The following CC2D2A variants were observed in gnomAD, a reference collection of about 807,000 sequenced individuals.
The protein encoded by CC2D2A is coiled-coil and C2 domain-containing protein 2A.
Under a neutral mutation model 212.9 loss-of-function variants are expected in CC2D2A, and 155 were observed. The ratio of observed to expected loss-of-function variants is 0.73; its 90% CI spans 0.64 to 0.83. CC2D2A has a LOEUF of 0.83. Among genes scored for constraint, CC2D2A ranks in the 40% least tolerant of loss-of-function variants. The pLI, the probability that CC2D2A is intolerant of heterozygous loss-of-function variation, is 0.00. For synonymous variants in CC2D2A, 667 were observed against 686.5 expected (o/e 0.97, Z 0.44); for missense variants, 1,856 against 1,956.2 (o/e 0.95, Z 0.97).
At chr4:15,518,215 C>T (rs1716994606) in intron 11 of CC2D2A, among the ~76,000 whole-genome samples, 2 of 152,226 alleles carry the variant, frequency 1.3e-5, no homozygotes, top group African/African-American at 4.8e-5. Context: ...AACATCCCAT[C>T]TGAGACAAAG....
chr4:15,557,361 CAGG>C lies in CC2D2A; in HGVS notation c.2686_2688del (p.Glu896del), dbSNP rs1560181474. On this transcript the variant is annotated inframe_deletion, in exon 21 of 37. Coordinates refer to ENST00000424120, the MANE Select transcript of CC2D2A (RefSeq NM_001378615.1). ...TTTCTTTAGACTGGAGCAGCTGCAA[CAGG>C]AGTTTAACTTTGTTTCAGATCAAGA... 1 of 1,613,624 alleles carries C rather than the reference CAGG, an allele frequency of 6.2e-7. No homozygotes were observed. The highest frequency in any genetic ancestry group is 1.3e-5 in the African/African-American group (1 of 74,998).
At position 15,601,349 on chromosome 4, in the gene CC2D2A, C is replaced by G. The variant is rs749398663; in HGVS notation, c.4787C>G (p.Ala1596Gly). ...GTTCCTAATGTTGAATTTGCTTTAG[C>G]TGTATACATACACCCATACCCCAAA... ...IDVPNVEFAL[A>G]VYIHPYPKNV... Residue 1596 changes from alanine to glycine, a missense_variant, in exon 37 of 37, where the codon GCT becomes GGT. Ala to Gly is a moderately conservative substitution (Grantham distance 60, BLOSUM62 0). Coordinates refer to ENST00000424120, the MANE Select transcript of CC2D2A (RefSeq NM_001378615.1). 3.3e-5 allele frequency: 53 copies of G among 1,608,800 alleles called. No homozygotes were observed. Among genetic ancestry groups the G allele is most frequent in the Non-Finnish European group, 4.4e-5 (52 of 1,176,994 alleles).
chr4:15,510,037 C>G, intron 6 of CC2D2A, 102 bp from the exon 7 acceptor site: 2 of 829,574 alleles, frequency 2.4e-6, no homozygotes, highest in Non-Finnish European at 3.9e-6. Context: ...CAGCAGCAGT[C>G]AGAAGATAAG....
chr4:15,505,374 C>T (rs1204482471), intron 6 of CC2D2A, among the ~76,000 whole-genome samples: 1 of 152,184 alleles, frequency 6.6e-6, no homozygotes, highest in Non-Finnish European at 1.5e-5. Context: ...CTAGATATGA[C>T]CAAAACTTCT....
chr4:15,501,079 C>A (rs1011107309), intron 4 of CC2D2A, among the ~76,000 whole-genome samples: 5 of 152,180 alleles, frequency 3.3e-5, no homozygotes, highest in African/African-American at 1.2e-4. Context: ...CAGATTCCCT[C>A]ACTTTTTCCT....
chr4:15,557,502 T>G lies in CC2D2A; in HGVS notation c.2824T>G (p.Phe942Val). Residue 942 changes from phenylalanine (F) to valine (V), a missense_variant, in exon 21 of 37, where the codon TTC becomes GTC. Physicochemically the swap from Phe to Val is conservative, Grantham distance 50. Coordinates refer to ENST00000424120, the MANE Select transcript of CC2D2A (RefSeq NM_001378615.1). ...TGACCGAGAAATTATGGAAAAGGTATTCCAGGTAAGAAACTGCCATAGAGG... is the reference window on the plus strand; with the variant it reads ...TGACCGAGAAATTATGGAAAAGGTAGTCCAGGTAAGAAACTGCCATAGAGG... ...VYDREIMEKV[F>V]QDYEKRLRDR... 1 of 1,598,858 alleles carries G rather than the reference T, an allele frequency of 6.3e-7. No homozygotes were observed. Among genetic ancestry groups the G allele is most frequent in the South Asian group, 1.1e-5 (1 of 89,166 alleles).
chr4:15,479,307 G>A (rs1010100177), intron 3 of CC2D2A: 19 of 1,536,942 alleles, frequency 1.2e-5, no homozygotes, highest in Admixed American at 3.9e-5. Flanking sequence ...GGAGCATCCC[G>A]TGCAGGGTAA....
intron 8 of CC2D2A, among the ~76,000 whole-genome samples, chr4:15,513,648 T>C (rs1190544795): frequency 6.6e-6 from 1 of 152,252 alleles, no homozygotes; most frequent in Non-Finnish European, 1.5e-5. Context: ...TTAGATCCTC[T>C]GTAGCCCCTT....
chr4:15,487,284 T>A (rs1006328393), intron 4 of CC2D2A, among the ~76,000 whole-genome samples: 4 of 152,154 alleles, frequency 2.6e-5, no homozygotes, highest in Non-Finnish European at 4.4e-5. Context: ...TATTGGGATT[T>A]AGCTCTAATA....
intron 28 of CC2D2A, among the ~76,000 whole-genome samples, chr4:15,572,398 T>C (rs1720210911): frequency 6.6e-6 from 1 of 152,210 alleles, no homozygotes; most frequent in African/African-American, 2.4e-5. Context: ...TTTTTGTTTC[T>C]ATGTTTCAGT....
At chr4:15,528,125 A>G (rs1277018335) in intron 12 of CC2D2A, among the ~76,000 whole-genome samples, 1 of 152,234 alleles carries the variant, frequency 6.6e-6, no homozygotes, top group Non-Finnish European at 1.5e-5. Flanking sequence ...ACACTATCCC[A>G]TGGGATTTTT....
chr4:15,519,371 G>A (rs1218024137), intron 11 of CC2D2A: 1 of 416,004 alleles, frequency 2.4e-6, no homozygotes, highest in Non-Finnish European at 4.7e-6. Flanking sequence ...TTTGGTCAAA[G>A]CCATTCAACA....
Position 15,528,646 on chromosome 4 carries a change from G to C in CC2D2A, c.1386G>C (p.Gln462His), listed in dbSNP as rs767353133. Residue 462 changes from glutamine to histidine, a missense_variant, in exon 13 of 37, where the codon CAG (glutamine) becomes CAC (histidine). Gln to His is a conservative substitution (Grantham distance 24). This residue lies in a region of CC2D2A where 1,512 missense variants were observed against 1,579.3 expected (regional missense o/e 0.96). Coordinates refer to ENST00000424120, the MANE Select transcript of CC2D2A (RefSeq NM_001378615.1). The part of the protein sequence containing the change: ...DKLQALRNAV[Q>H]TGLDPEKPHQ... ...TCCAAGCTTTAAGAAATGCTGTTCA[G>C]ACTGGCCTTGATCCAGAAAAACCTC... 3.1e-6 allele frequency: 5 copies of C among 1,613,772 alleles called. No individual in the cohort carries two copies.
chr4:15,534,281 ACT>A (rs1182879654), intron 14 of CC2D2A, among the ~76,000 whole-genome samples: 2 of 151,350 alleles, frequency 1.3e-5, no homozygotes, highest in Non-Finnish European at 2.9e-5. Flanking sequence ...TTGTCTTTTT[ACT>A]CTCTTTTTGT....
Position 15,502,474 on chromosome 4 carries a change from T to G in CC2D2A, c.293T>G (p.Phe98Cys), listed in dbSNP as rs762588216. 2 of 1,609,618 alleles carry G rather than the reference T, an allele frequency of 1.2e-6. No individual in the cohort carries two copies. Among genetic ancestry groups the G allele is most frequent in the Non-Finnish European group, 1.7e-6 (2 of 1,178,794 alleles). Residue 98 changes from phenylalanine to cysteine, a missense_variant, in exon 5 of 37, where the codon TTT becomes TGT. Phe to Cys is a radical substitution (Grantham distance 205). Coordinates refer to ENST00000424120, the MANE Select transcript of CC2D2A (RefSeq NM_001378615.1). ...PSTSRTGFAEFSMRGRMREKL... is the reference protein window; with the variant it reads ...PSTSRTGFAECSMRGRMREKL... ...ACTTCCAGAACAGGCTTTGCAGAAT[T>G]TTCCATGAGGGGACGCATGAGGGAG...
Position 15,511,271 on chromosome 4 carries a change from G to C in CC2D2A, c.565G>C (p.Glu189Gln). ...GGTTCCACCTGGCTTCCCTTCTGCA[G>C]AAGAGGCCTATAACTTCTTTACTTT... is the stretch of plus-strand genomic sequence containing the variant. ...PQVPPGFPSA[E>Q]EAYNFFTFNF... is the part of the protein sequence containing the mutation. Residue 189 changes from glutamate (E) to glutamine (Q), a missense_variant, in exon 8 of 37, where the codon GAA becomes CAA. Physicochemically the swap from Glu to Gln is conservative, Grantham distance 29 (BLOSUM62 2). This residue lies in a region of CC2D2A where 1,512 missense variants were observed against 1,579.3 expected (regional missense o/e 0.96). Coordinates refer to ENST00000424120, the MANE Select transcript of CC2D2A (RefSeq NM_001378615.1). 1.3e-6 allele frequency: 2 copies of C among 1,598,930 alleles called. No homozygotes were observed. Among genetic ancestry groups the C allele is most frequent in the Middle Eastern group, 1.7e-4 (1 of 6,042 alleles).
In CC2D2A at chr4:15,550,967, G is replaced by A; in HGVS notation, c.2325G>A (p.Glu775=). The A allele has an allele frequency of 1.3e-6, 2 of 1,595,836 alleles. No homozygotes were observed. Among genetic ancestry groups the A allele is most frequent in the South Asian group, 2.2e-5 (2 of 89,520 alleles). The change falls in exon 18 of 37, where the codon GAG becomes GAA. Residue 775 remains glutamate, a synonymous_variant. Transcript: ENST00000424120. ...ATCAGCATGTGACACTGGACCACGA[G>A]GGAGTTGGAAGTGGTATGGAAAGCT... The part of the protein sequence containing the change: ...SSNQHVTLDH[E]GVGSGVPFSF...
At chr4:15,529,214 G>C (rs368890221) in intron 13 of CC2D2A, among the ~76,000 whole-genome samples, 18 of 152,000 alleles carry the variant, frequency 1.2e-4, no homozygotes, top group African/African-American at 4.4e-4. Flanking sequence ...AGACTAGCCT[G>C]TACAAAAAGT....
intron 33 of CC2D2A, among the ~76,000 whole-genome samples, chr4:15,594,668 T>A (rs1560198648): frequency 6.6e-6 from 1 of 152,208 alleles, no homozygotes; most frequent in Non-Finnish European, 1.5e-5. Flanking sequence ...GTGTATTTTT[T>A]CTCTTTTAGT....
Sources: allele counts gnomAD v4.1 joint callset (sites outside exome capture counted in the v4.1 genomes callset), GRCh38; gene constraint gnomAD v4.1.1; regional missense constraint gnomAD v4.1.1; transcripts MANE v1.5; gene names NCBI Gene and HGNC (gene_info 2026-07-23, HGNC 2026-07-21).